PDGFRB: variants seen among roughly 807,000 people sequenced by gnomAD.
The protein encoded by PDGFRB is platelet-derived growth factor receptor beta.
A neutral mutation model predicts 120.2 loss-of-function variants in PDGFRB; 42 were observed. The ratio of observed to expected loss-of-function variants is 0.35; its 90% confidence interval spans 0.27 to 0.45. The LOEUF is 0.45. PDGFRB is among the 20% of genes least tolerant of loss of function. PDGFRB has a pLI of 1.00. For missense variants in PDGFRB, 1,149 were observed against 1,476.3 expected (o/e 0.78, Z 3.63); for synonymous variants, 586 against 606.8 (o/e 0.97, Z 0.50).
chr5:150,149,771 T>C (rs957545735), intron 1 of PDGFRB, among the ~76,000 whole-genome samples: 20 of 152,162 alleles, frequency 1.3e-4, no homozygotes, highest in African/African-American at 4.8e-4. Context: ...TAAGGCTAAC[T>C]GGAAACCCTG....
chr5:150,152,114 C>G (rs917548549), intron 1 of PDGFRB, among the ~76,000 whole-genome samples: 7 of 151,918 alleles, frequency 4.6e-5, no homozygotes, highest in African/African-American at 1.7e-4. Context: ...ACCATGTTGG[C>G]CAGGCTGGTC....
At chr5:150,131,468 CTG>C (rs967902507) in intron 8 of PDGFRB, among the ~76,000 whole-genome samples, 1 of 152,198 alleles carries the variant, frequency 6.6e-6, no homozygotes, top group Admixed American at 6.6e-5. Context: ...CACCATCACT[CTG>C]TGCCCAGCAC....
At position 150,132,631 on chromosome 5, in the gene PDGFRB, C is replaced by T; in HGVS notation, c.1127+119G>A. The T allele has an allele frequency of 2.2e-6, 2 of 910,464 alleles. No homozygotes were observed. The highest frequency in any genetic ancestry group is 1.7e-5 in the South Asian group (1 of 59,372). 56.4% of individuals were successfully genotyped at this position (910,464 alleles called of 1,614,324 possible). On this transcript the variant is annotated intron_variant, in intron 7 of 22. Coordinates refer to ENST00000261799, the MANE Select transcript of PDGFRB (RefSeq NM_002609.4). This position sits in a 1 kb window ranked among gnomAD's most constrained non-coding sequence, Gnocchi z 5.0. Reference sequence around the variant, plus strand: ...CTGGTCGCTGCAGCATCCCCAGCACCTGGCACCTAATATGCTCTCAGAAAG... The same window carrying T: ...CTGGTCGCTGCAGCATCCCCAGCACTTGGCACCTAATATGCTCTCAGAAAG...
intron 22 of PDGFRB, 149 bp downstream of exon 22, chr5:150,117,469 A>G: frequency 3.5e-6 from 2 of 564,648 alleles, no homozygotes; most frequent in Non-Finnish European, 3.2e-6. Flanking sequence ...TCTGTCTTCT[A>G]TTCATTGGTA....
intron 10 of PDGFRB, 21 bp downstream of exon 10, chr5:150,129,736 C>T (rs199763634): frequency 2.1e-4 from 338 of 1,589,922 alleles, no homozygotes; most frequent in Non-Finnish European, 2.6e-4. Context: ...TCGTCAGGGG[C>T]CACTGAGGCT....
chr5:150,152,708 C>T (rs184388086), intron 1 of PDGFRB, among the ~76,000 whole-genome samples: 1 of 151,210 alleles, frequency 6.6e-6, no homozygotes, highest in Non-Finnish European at 1.5e-5. Flanking sequence ...ATCTTTGGAA[C>T]ATACATGGTG....
chr5:150,137,042 C>T lies in PDGFRB; in HGVS notation c.6G>A (p.Arg2=), dbSNP rs1381462270. M[R]LPGAMPALAL... ...CCAGAGCTGGCATCGCACCCGGAAG[C>T]CGCATGGTGTCCTGCAGAGTTAAAC... The change falls in exon 2 of 23, where the codon CGG becomes CGA. Residue 2 remains arginine, a synonymous_variant. Transcript: ENST00000261799. 6.2e-7 allele frequency: 1 copy of T among 1,613,642 alleles called. No individual in the cohort carries two copies. Among genetic ancestry groups the T allele is most frequent in the Admixed American group, 1.7e-5 (1 of 59,980 alleles).
chr5:150,136,680 G>T (rs1760642362), intron 2 of PDGFRB, among the ~76,000 whole-genome samples: 1 of 152,136 alleles, frequency 6.6e-6, no homozygotes, highest in South Asian at 2.1e-4. Context: ...GCCAATGAGG[G>T]GTCCAAGCCG....
chr5:150,124,480 C>G (rs898867486), intron 13 of PDGFRB, 120 bp from the exon 14 acceptor site: 5 of 727,434 alleles, frequency 6.9e-6, no homozygotes, highest in East Asian at 2.7e-5. Context: ...GGCAGCCTGG[C>G]GGGGGTGAGC....
At position 150,113,924 on chromosome 5, in the gene PDGFRB, T is replaced by C. The variant is rs962433000; in HGVS notation, c.*1839A>G. 4 of 233,014 alleles carry C rather than the reference T, an allele frequency of 1.7e-5. No individual in the cohort carries two copies. The highest frequency in any genetic ancestry group is 3.4e-5 in the Non-Finnish European group (4 of 117,754). 14.4% of individuals were successfully genotyped at this position (233,014 alleles called of 1,614,324 possible). On this transcript the variant is annotated 3_prime_UTR_variant, in exon 23 of 23. Coordinates refer to ENST00000261799, the MANE Select transcript of PDGFRB (RefSeq NM_002609.4). Reference sequence around the variant, plus strand: ...TAGAAAAACTCAACAGCATACAAAATAGCATTTCTGCTGTATAAATGTGAG... The same window carrying C: ...TAGAAAAACTCAACAGCATACAAAACAGCATTTCTGCTGTATAAATGTGAG...
chr5:150,129,667 G>T, intron 10 of PDGFRB, 90 bp downstream of exon 10: 2 of 1,072,806 alleles, frequency 1.9e-6, no homozygotes, highest in African/African-American at 1.5e-5. Flanking sequence ...AACTCCTTTG[G>T]CCTGCTGTGG....
Position 150,122,031 on chromosome 5 carries a change from G to T in PDGFRB, c.2193C>A (p.Ser731=). 2 of 1,613,236 alleles carry T rather than the reference G, an allele frequency of 1.2e-6. No homozygotes were observed. Residue 731 remains serine, a synonymous_variant, in exon 16 of 23, where the codon TCC becomes TCA. Coordinates refer to ENST00000261799, the MANE Select transcript of PDGFRB (RefSeq NM_002609.4). ...AGCCACCGTCGCTCTCCCCGGTCAA[G>T]GACACATGGCTGGGGGTAAAGGAGC... ...PVGLPLPSHV[S]LTGESDGGYM...
intron 8 of PDGFRB, among the ~76,000 whole-genome samples, chr5:150,131,406 C>T (rs1425157874): frequency 6.6e-6 from 1 of 152,184 alleles, no homozygotes; most frequent in Non-Finnish European, 1.5e-5. Context: ...TTCAGGTCTT[C>T]ATGCAAATGT....
intron 10 of PDGFRB, among the ~76,000 whole-genome samples, chr5:150,127,273 G>T (rs55981837): frequency 0.054 from 8,163 of 152,158 alleles, 384 homozygotes; most frequent in East Asian, 0.26. Flanking sequence ...CAGCCTCTTC[G>T]CTGTACAGCT....
Position 150,115,725 on chromosome 5 carries a change from G to A in PDGFRB, c.*38C>T, listed in dbSNP as rs202160957. The A allele has an allele frequency of 1.4e-5, 22 of 1,526,868 alleles. No individual in the cohort carries two copies. The highest frequency in any genetic ancestry group is 1.2e-4 in the African/African-American group (9 of 72,042). 94.6% of individuals were successfully genotyped at this position (1,526,868 alleles called of 1,614,324 possible). On this transcript the variant is annotated 3_prime_UTR_variant, in exon 23 of 23. Transcript: ENST00000261799. The stretch of plus-strand genomic sequence containing the variant: ...CCAGGAGATGCTGGGTGCTGGCAGG[G>A]GGGGAGCTTCAGGCAGGGCAGGGTA...
rs1160073754 is a variant in PDGFRB at position 150,117,534 on chromosome 5, GCGCGCGCGCGCA to G, written c.3137+72_3137+83del. The G allele has an allele frequency of 1.0e-4, 67 of 646,408 alleles. No homozygotes were observed. In the African/African-American group the frequency reaches 1.3e-3, roughly 13 times the overall value. The allele number at this position is 646,408 out of a possible 1,614,324, so 40.0% of individuals were successfully genotyped here. A position where few individuals can be genotyped will look rare whatever the true frequency, so the allele number is the denominator to read the frequency against. ...CTCTGAGGCAAACCTGGCAGCGCGC[GCGCGCGCGCGCA>G]CACACACACACACACACACACACAC... On this transcript the variant is annotated intron_variant, in intron 22 of 22. Transcript: ENST00000261799.
chr5:150,126,589 G>T lies in PDGFRB; in HGVS notation c.1605C>A (p.Ile535=), dbSNP rs149788833. The T allele has an allele frequency of 1.2e-6, 2 of 1,607,266 alleles. No homozygotes were observed. The highest frequency in any genetic ancestry group is 1.7e-6 in the Non-Finnish European group (2 of 1,173,866). ...PHSLPFKVVV[I]SAILALVVLT... ...GCACCACCAGGGCCAGGATGGCTGA[G>T]ATCACCACCACCTTAAAGGGCAAGG... The change falls in exon 11 of 23, where the codon ATC becomes ATA. Residue 535 remains isoleucine, a synonymous_variant. Transcript: ENST00000261799.
At chr5:150,145,770 G>C (rs1459149510) in intron 1 of PDGFRB, among the ~76,000 whole-genome samples, 1 of 152,124 alleles carries the variant, frequency 6.6e-6, no homozygotes, top group Non-Finnish European at 1.5e-5. Context: ...GCGTGGTGGA[G>C]GGAGCCTGTA....
intron 1 of PDGFRB, among the ~76,000 whole-genome samples, chr5:150,140,543 T>C (rs1159513028): frequency 6.6e-6 from 1 of 152,170 alleles, no homozygotes; most frequent in Non-Finnish European, 1.5e-5. Context: ...GTGGAGATCA[T>C]GCCCAGCTCC....
Sources: allele counts gnomAD v4.1 joint callset (sites outside exome capture counted in the v4.1 genomes callset), GRCh38; gene constraint gnomAD v4.1.1; non-coding constraint Gnocchi (gnomAD v3.1); transcripts MANE v1.5; gene names NCBI Gene and HGNC (gene_info 2026-07-23, HGNC 2026-07-21).